Variants in MSI2 observed in about 807,000 individuals in gnomAD.
The protein encoded by MSI2 is musashi RNA binding protein 2, also known as RNA-binding protein Musashi homolog 2.
MSI2 carries 17 observed loss-of-function variants against 45.6 expected under a neutral mutation model. That is an observed-to-expected ratio of 0.37 (90% CI 0.26 to 0.56). The LOEUF is 0.56. Ranked by LOEUF, MSI2 falls within the 20% of genes least tolerant of loss-of-function variation. The pLI is 0.77. For synonymous variants in MSI2, 156 were observed against 158.2 expected (o/e 0.99, Z 0.11); for missense variants, 293 against 444.2 (o/e 0.66, Z 3.06).
chr17:57,659,279 A>G (rs1350305875), intron 11 of MSI2, among the ~76,000 whole-genome samples: 1 of 151,330 alleles, frequency 6.6e-6, no homozygotes, highest in African/African-American at 2.4e-5. Context: ...TGTTTTTGGT[A>G]GAGACAGGGT....
intron 10 of MSI2, among the ~76,000 whole-genome samples, chr17:57,639,678 G>A (rs1328923143): frequency 6.6e-6 from 1 of 152,244 alleles, no homozygotes; most frequent in Non-Finnish European, 1.5e-5. Flanking sequence ...CCCTGAGTCT[G>A]AGCAGATGCT....
Position 57,680,775 on chromosome 17 carries a change from G to GGGGGGGGGGGGGGGCC in MSI2, c.*1258_*1259insGGGGGGGGGGGGGGCC. The stretch of plus-strand genomic sequence containing the variant: ...GCTTGGGTGGGGGTGGGGTGGGGGG[G>GGGGGGGGGGGGGGGCC]ACATTCTTTTTCAGTCTTAATTTTT... On this transcript the variant is annotated 3_prime_UTR_variant, in exon 14 of 14. Coordinates refer to ENST00000284073, the MANE Select transcript of MSI2 (RefSeq NM_138962.4). The GGGGGGGGGGGGGGGCC allele has an allele frequency of 6.5e-6, 1 of 152,794 alleles. No individual in the cohort carries two copies. Among genetic ancestry groups the GGGGGGGGGGGGGGGCC allele is most frequent in the East Asian group, 1.5e-4 (1 of 6,788 alleles). 9.5% of individuals were successfully genotyped at this position (152,794 alleles called of 1,614,324 possible).
intron 7 of MSI2, among the ~76,000 whole-genome samples, chr17:57,576,381 A>G (rs573305607): frequency 3.9e-5 from 6 of 152,346 alleles, no homozygotes; most frequent in South Asian, 2.1e-4. Flanking sequence ...AAGGTATCCA[A>G]TGAATGTTTG....
chr17:57,258,189 C>T (rs1368865452), intron 3 of MSI2, 81 bp from the exon 4 acceptor site: 3 of 1,267,938 alleles, frequency 2.4e-6, no homozygotes, highest in Non-Finnish European at 1.2e-6. Context: ...GCTCCTCATT[C>T]AGCCTTAGGT....
intron 7 of MSI2, among the ~76,000 whole-genome samples, chr17:57,591,588 A>G (rs1974693): frequency 0.67 from 102,142 of 151,780 alleles, 34,741 homozygotes; most frequent in African/African-American, 0.78. Flanking sequence ...TTAGCCAGGC[A>G]TGGTGGCACA....
At chr17:57,511,031 ACT>A (rs1223386146) in intron 6 of MSI2, among the ~76,000 whole-genome samples, 7,173 of 152,136 alleles carry the variant, frequency 0.047, 574 homozygotes, top group African/African-American at 0.16. Context: ...GTGATCAGAA[ACT>A]CCAGGGGTAT....
chr17:57,459,924 T>A (rs1297948730), intron 6 of MSI2, among the ~76,000 whole-genome samples: 1 of 151,478 alleles, frequency 6.6e-6, no homozygotes, highest in East Asian at 1.9e-4. Context: ...AGGTCAGGAG[T>A]TCGAGACCAG....
intron 6 of MSI2, among the ~76,000 whole-genome samples, chr17:57,405,557 G>T (rs765859905): frequency 6.6e-6 from 1 of 152,176 alleles, no homozygotes; most frequent in Non-Finnish European, 1.5e-5. Flanking sequence ...AATAAGCATG[G>T]TATATAATCA....
At chr17:57,609,360 T>C (rs764933633) in intron 8 of MSI2, among the ~76,000 whole-genome samples, 2 of 152,122 alleles carry the variant, frequency 1.3e-5, no homozygotes, top group Non-Finnish European at 2.9e-5. Flanking sequence ...CCCTTTCTGT[T>C]AGCCAGACAG....
intron 5 of MSI2, among the ~76,000 whole-genome samples, chr17:57,348,054 A>T (rs967822436): frequency 6.6e-6 from 1 of 152,140 alleles, no homozygotes; most frequent in Non-Finnish European, 1.5e-5. Context: ...CTGCTCATGG[A>T]TGCACACATC....
chr17:57,657,566 A>G (rs75146890), intron 11 of MSI2, among the ~76,000 whole-genome samples: 7,940 of 152,292 alleles, frequency 0.052, 272 homozygotes, highest in Middle Eastern at 0.11. Flanking sequence ...GAGCAAAAGT[A>G]AAATGCAAGT....
intron 6 of MSI2, among the ~76,000 whole-genome samples, chr17:57,441,650 G>C (rs1019606585): frequency 5.9e-5 from 9 of 152,242 alleles, no homozygotes; most frequent in African/African-American, 1.9e-4. Flanking sequence ...TCTCTCACCA[G>C]GGTCCCTTTC....
At chr17:57,638,414 G>A (rs1019527297) in intron 10 of MSI2, among the ~76,000 whole-genome samples, 4 of 152,216 alleles carry the variant, frequency 2.6e-5, no homozygotes, top group African/African-American at 9.7e-5. Context: ...GAGCAAGGGT[G>A]CAAGGAATTC....
At chr17:57,255,896 G>A (rs963128654), upstream of MSI2, 1 of 152,180 alleles carries the variant, frequency 6.6e-6, no homozygotes, top group Admixed American at 6.5e-5. Flanking sequence ...AAAACTTGTG[G>A]CTGGTGTTTG....
intron 6 of MSI2, among the ~76,000 whole-genome samples, chr17:57,493,134 G>A (rs1019718219): frequency 4.6e-5 from 7 of 152,274 alleles, no homozygotes; most frequent in African/African-American, 1.4e-4. Flanking sequence ...TCTGAGCTCC[G>A]GCCAGCAGGC....
chr17:57,272,332 C>T (rs1598053349), intron 5 of MSI2, among the ~76,000 whole-genome samples: 1 of 152,116 alleles, frequency 6.6e-6, no homozygotes, highest in Non-Finnish European at 1.5e-5. Flanking sequence ...GGATACCTGC[C>T]GGAGCCTGGC....
At chr17:57,477,690 C>A (rs1189202879) in intron 6 of MSI2, among the ~76,000 whole-genome samples, 2 of 152,140 alleles carry the variant, frequency 1.3e-5, no homozygotes, top group East Asian at 3.9e-4. Context: ...AGGGAGGGCC[C>A]CAAGAGAAGG....
intron 8 of MSI2, among the ~76,000 whole-genome samples, chr17:57,614,897 A>G (rs1907531277): frequency 6.6e-6 from 1 of 152,188 alleles, no homozygotes; most frequent in Admixed American, 6.5e-5. Flanking sequence ...TTTGAGAGTC[A>G]GAAGGGAAAC....
chr17:57,692,173 A>G, the MSI2 span, among the ~76,000 whole-genome samples: 3 of 152,178 alleles, frequency 2.0e-5, no homozygotes. Flanking sequence ...TAAATGTTGA[A>G]CCAGCCTTGC....
Sources: allele counts gnomAD v4.1 joint callset (sites outside exome capture counted in the v4.1 genomes callset), GRCh38; gene constraint gnomAD v4.1.1; transcripts MANE v1.5; gene names NCBI Gene and HGNC (gene_info 2026-07-23, HGNC 2026-07-21).